The following FARS2 variants were observed in gnomAD, a reference collection of about 807,000 sequenced individuals.
FARS2 encodes phenylalanyl-tRNA synthetase 2, mitochondrial.
Under a neutral mutation model 46.4 loss-of-function variants are expected in FARS2, and 40 were observed. The observed-to-expected ratio is 0.86, with a 90% CI of 0.67 to 1.12. The LOEUF (loss-of-function observed/expected upper bound fraction) is 1.12, where lower values mean the gene tolerates loss of function less well. Ranked by LOEUF, FARS2 falls within the 50% of genes most tolerant of loss-of-function variation. The probability of loss-of-function intolerance (pLI) is 0.00; values close to 1 mark genes in which losing one functional copy is unlikely to be tolerated. For synonymous variants in FARS2, 234 were observed against 214.9 expected, an observed-to-expected ratio of 1.09 and a Z score of -0.78; for missense variants, 513 against 567.9, an observed-to-expected ratio of 0.90 and a Z score of 0.98.
chr6:5,416,502 A>G (rs184446916), intron 3 of FARS2, among the ~76,000 whole-genome samples: 5 of 152,292 alleles, frequency 3.3e-5, no homozygotes, highest in Admixed American at 2.6e-4. Flanking sequence ...TTATTTGTCT[A>G]TCTTGACACA....
intron 5 of FARS2, among the ~76,000 whole-genome samples, chr6:5,546,477 C>T (rs1466616868): frequency 1.3e-5 from 2 of 151,114 alleles, no homozygotes; most frequent in African/African-American, 2.4e-5. Flanking sequence ...GTCTCAAACT[C>T]CTGACCTTGT....
chr6:5,581,807 C>A (rs1232927019), intron 5 of FARS2, among the ~76,000 whole-genome samples: 1 of 152,094 alleles, frequency 6.6e-6, no homozygotes, highest in Non-Finnish European at 1.5e-5. Flanking sequence ...CCGGTTAATT[C>A]CTGATGCGCT....
At chr6:5,561,238 G>A (rs1031525115) in intron 5 of FARS2, among the ~76,000 whole-genome samples, 2 of 152,112 alleles carry the variant, frequency 1.3e-5, no homozygotes, top group Non-Finnish European at 2.9e-5. Context: ...CAACAGTTAA[G>A]CATAATTATT....
rs555348333 is a variant in FARS2 at position 5,282,286 on chromosome 6, G to A, written c.-22+20626G>A. On this transcript the variant is annotated intron_variant, in intron 1 of 6. Transcript: ENST00000274680. Reference sequence around the variant, plus strand: ...GGGCATGCAGCCTATCATTGCCGTGGCTGCTTAGAAGGAAGCAGCAGCAAG... The same window carrying A: ...GGGCATGCAGCCTATCATTGCCGTGACTGCTTAGAAGGAAGCAGCAGCAAG... Among the ~76,000 whole-genome samples, 6 of 152,268 alleles carry A rather than the reference G, an allele frequency of 3.9e-5. No individual in the cohort carries two copies. The South Asian group carries it at 1.2e-3, about 32-fold the overall frequency.
rs528742556 is a variant in FARS2 at position 5,760,164 on chromosome 6, G to C, written c.1218-11127G>C. 5.3e-5 allele frequency among the ~76,000 whole-genome samples: 8 copies of C among 152,166 alleles called. No homozygotes were observed. In the South Asian group the frequency reaches 1.7e-3, roughly 32 times the overall value. The stretch of plus-strand genomic sequence containing the variant: ...GATGTGTAATTCCTTCATAATTAAC[G>C]GACACTGAGTCTTAAAGTAATTAAC... On this transcript the variant is annotated intron_variant, in intron 6 of 6. Coordinates refer to ENST00000274680, the MANE Select transcript of FARS2 (RefSeq NM_006567.5).
chr6:5,605,376 G>T (rs1774774147), intron 5 of FARS2, among the ~76,000 whole-genome samples: 1 of 152,188 alleles, frequency 6.6e-6, no homozygotes, highest in Admixed American at 6.5e-5. Context: ...CCGAATCACT[G>T]CCTGCCCTAA....
At chr6:5,408,858 GTAGCC>G (rs1201322263) in intron 3 of FARS2, among the ~76,000 whole-genome samples, 6 of 152,242 alleles carry the variant, frequency 3.9e-5, no homozygotes, top group African/African-American at 1.4e-4. Context: ...CTGTGGCACC[GTAGCC>G]TTATTGGTGC....
intron 6 of FARS2, among the ~76,000 whole-genome samples, chr6:5,731,236 C>CAGAGGA (rs1319748908): frequency 6.6e-6 from 1 of 152,196 alleles, no homozygotes; most frequent in Non-Finnish European, 1.5e-5. Context: ...AACTACCACT[C>CAGAGGA]AGAGGAAGAC....
intron 5 of FARS2, among the ~76,000 whole-genome samples, 190 bp downstream of exon 5, chr6:5,545,530 T>C (rs1218692507): frequency 6.6e-6 from 1 of 152,166 alleles, no homozygotes; most frequent in Non-Finnish European, 1.5e-5. Flanking sequence ...CCATGGTGGT[T>C]TGCTGTGCCT....
chr6:5,615,025 T>C (rs1244389334), intron 6 of FARS2, among the ~76,000 whole-genome samples: 2 of 152,246 alleles, frequency 1.3e-5, no homozygotes, highest in East Asian at 3.8e-4. Context: ...TTTTTGCTTT[T>C]TGTTTTAAAG....
intron 4 of FARS2, among the ~76,000 whole-genome samples, chr6:5,461,663 A>T (rs933985731): frequency 2.6e-5 from 4 of 152,090 alleles, no homozygotes; most frequent in African/African-American, 9.7e-5. Context: ...TCTTTTCTTG[A>T]CATTTTTGGT....
At chr6:5,563,918 T>C (rs960399922) in intron 5 of FARS2, among the ~76,000 whole-genome samples, 1 of 152,198 alleles carries the variant, frequency 6.6e-6, no homozygotes, top group African/African-American at 2.4e-5. Context: ...CAATTTTGAC[T>C]TGATTTTTAA....
chr6:5,326,412 G>A (rs146692810), intron 1 of FARS2, among the ~76,000 whole-genome samples: 2 of 152,306 alleles, frequency 1.3e-5, no homozygotes, highest in South Asian at 4.1e-4. Context: ...AATCATTAAC[G>A]TCCAGCACAC....
intron 4 of FARS2, among the ~76,000 whole-genome samples, chr6:5,468,367 AG>A (rs201148988): frequency 0.015 from 2,212 of 150,574 alleles, 59 homozygotes; most frequent in African/African-American, 0.051. Flanking sequence ...AAAAAAAAAA[AG>A]AAAGAAAAAA....
chr6:5,425,807 G>C (rs1270914253), intron 3 of FARS2, among the ~76,000 whole-genome samples: 2 of 152,180 alleles, frequency 1.3e-5, no homozygotes, highest in Non-Finnish European at 2.9e-5. Flanking sequence ...TCCTTATTCA[G>C]AGGAGAAATT....
chr6:5,366,088 G>T (rs970352548), intron 1 of FARS2, among the ~76,000 whole-genome samples: 4 of 152,114 alleles, frequency 2.6e-5, no homozygotes, highest in African/African-American at 9.7e-5. Context: ...GCATGTAAGT[G>T]GATCTGCACA....
chr6:5,530,163 T>C (rs931622173), intron 4 of FARS2, among the ~76,000 whole-genome samples: 1 of 152,194 alleles, frequency 6.6e-6, no homozygotes, highest in Non-Finnish European at 1.5e-5. Context: ...GGTCTCCAGA[T>C]GTGTCACCTG....
intron 6 of FARS2, chr6:5,695,340 C>T (rs1387939257): frequency 2.6e-5 from 4 of 152,274 alleles, no homozygotes; most frequent in Admixed American, 1.3e-4. Context: ...AGGGACTGGC[C>T]CACGGGCGGT....
intron 1 of FARS2, among the ~76,000 whole-genome samples, chr6:5,262,747 G>A (rs1765277241): frequency 6.6e-6 from 1 of 152,122 alleles, no homozygotes; most frequent in African/African-American, 2.4e-5. Context: ...ATATCTTTAA[G>A]TCTCCTCCCT....
Sources: gnomAD v4.1 joint callset for allele counts (sites outside exome capture counted in the v4.1 genomes callset) on GRCh38, gnomAD v4.1.1 for gene constraint, MANE v1.5 for transcripts, NCBI Gene and HGNC (gene_info 2026-07-23, HGNC 2026-07-21) for gene names.